The following ZMYND11 variants were observed in gnomAD, a reference collection of about 807,000 sequenced individuals.
The protein encoded by ZMYND11 is zinc finger MYND-type containing 11.
A neutral mutation model predicts 84.9 loss-of-function variants in ZMYND11; 9 were observed. That is an observed-to-expected ratio of 0.11 (90% confidence interval 0.06 to 0.18). The LOEUF is 0.18. ZMYND11 is among the 10% of genes least tolerant of loss of function. The pLI is 1.00. For missense variants in ZMYND11, 409 were observed against 761.0 expected, an observed-to-expected ratio of 0.54 and a Z score of 5.44; for synonymous variants, 250 against 244.1, an observed-to-expected ratio of 1.02 and a Z score of -0.23.
chr10:144,240 A>T (rs1838175924), intron 1 of ZMYND11, among the ~76,000 whole-genome samples: 1 of 152,122 alleles, frequency 6.6e-6, no homozygotes, highest in African/African-American at 2.4e-5. Flanking sequence ...GTTTTTTACG[A>T]CAGAATCTTG....
chr10:160,737 AT>A (rs1554761506), intron 1 of ZMYND11, among the ~76,000 whole-genome samples: 1 of 152,146 alleles, frequency 6.6e-6, no homozygotes, highest in Non-Finnish European at 1.5e-5. Context: ...TTCTTTGCTT[AT>A]CCATAAGAAG....
chr10:209,019 G>A (rs190836381), intron 2 of ZMYND11, among the ~76,000 whole-genome samples: 35 of 151,558 alleles, frequency 2.3e-4, no homozygotes, highest in South Asian at 4.2e-4. Context: ...GTGTGTGTGT[G>A]TATATATATA....
Position 252,272 on chromosome 10 carries a change from A to AAG in ZMYND11, c.1687-73_1687-72dup. 1 of 1,554,624 alleles carries AAG rather than the reference A, an allele frequency of 6.4e-7. No homozygotes were observed. On this transcript the variant is annotated intron_variant, in intron 14 of 14. Transcript: ENST00000381604. The surrounding 1 kb of genome is among the most constrained non-coding windows in gnomAD (Gnocchi z 4.6). ...AAAGATCTTTTAAAAGCACCACCTCAAGAGTTTGCCATTTTAACCAGTCGC... is the reference window on the plus strand; with the variant it reads ...AAAGATCTTTTAAAAGCACCACCTCAAGAGAGTTTGCCATTTTAACCAGTCGC...
At chr10:193,934 G>A (rs905721061) in intron 2 of ZMYND11, among the ~76,000 whole-genome samples, 1 of 152,020 alleles carries the variant, frequency 6.6e-6, no homozygotes, top group Non-Finnish European at 1.5e-5. Context: ...TCATTGTGTG[G>A]ATATACCACA....
Position 243,543 on chromosome 10 carries a change from G to T in ZMYND11, c.950+1404G>T, listed in dbSNP as rs150406465. Among the ~76,000 whole-genome samples the T allele has an allele frequency of 3.4e-3, 524 of 152,218 alleles. 3 individuals carry two copies. The highest frequency in any genetic ancestry group is 0.012 in the African/African-American group (503 of 41,532). ...GAGTTAACTTGTTAGATGTCATTCA[G>T]TATACTATGCAGAAAATATTTTTAA... On this transcript the variant is annotated intron_variant, in intron 10 of 14. Transcript: ENST00000381604.
At position 237,020 on chromosome 10, in the gene ZMYND11, A is replaced by C. The variant is rs188452645; in HGVS notation, c.516+105A>C. 2,134 of 1,086,510 alleles carry C rather than the reference A, an allele frequency of 2.0e-3. 26 individuals are homozygous for C. The Middle Eastern group carries it at 0.02, about 10-fold the overall frequency. 67.3% of individuals were successfully genotyped at this position (1,086,510 alleles called of 1,614,324 possible). On this transcript the variant is annotated intron_variant, in intron 5 of 14. Coordinates refer to ENST00000381604, the MANE Select transcript of ZMYND11 (RefSeq NM_001370100.5). ...GAGAAGTAACAAATATGTACATAGC[A>C]ATATGAAGTGTGGAGAGCACCCCGT...
In ZMYND11 at chr10:192,013, C is replaced by T. The variant is rs575688009; in HGVS notation, c.116+11885C>T. 3.9e-5 allele frequency among the ~76,000 whole-genome samples: 6 copies of T among 152,272 alleles called. No homozygotes were observed. In the East Asian group the frequency reaches 1.2e-3, roughly 29 times the overall value. ...CCTCAAAACAACAGCATGGGGTTGA[C>T]TTTACTAATTTTACTTCATAGATAT... On this transcript the variant is annotated intron_variant, in intron 2 of 14. Coordinates refer to ENST00000381604, the MANE Select transcript of ZMYND11 (RefSeq NM_001370100.5).
At chr10:148,424 C>T (rs1209868396) in intron 1 of ZMYND11, 2 of 152,162 alleles carry the variant, frequency 1.3e-5, no homozygotes, top group Admixed American at 6.5e-5. Context: ...ACTTCCTTTG[C>T]TCTGGGAAGA....
intron 1 of ZMYND11, among the ~76,000 whole-genome samples, chr10:136,169 C>T (rs1164632593): frequency 1.2e-4 from 18 of 152,094 alleles, no homozygotes; most frequent in African/African-American, 3.6e-4. Context: ...CCGGGACAGT[C>T]CTGTGGGGTC....
chr10:244,917 A>AAGCAGTGCT (rs1951818356), intron 10 of ZMYND11, among the ~76,000 whole-genome samples: 1 of 152,216 alleles, frequency 6.6e-6, no homozygotes, highest in Non-Finnish European at 1.5e-5. Flanking sequence ...ATACTCTTAC[A>AAGCAGTGCT]GATACAAGTT....
chr10:238,267 T>C (rs1437592832), intron 6 of ZMYND11, among the ~76,000 whole-genome samples: 2 of 152,220 alleles, frequency 1.3e-5, no homozygotes, highest in African/African-American at 4.8e-5. Flanking sequence ...TTGCACCTCA[T>C]GTGTCATGTT....
At chr10:177,689 G>T (rs1464325604) in intron 1 of ZMYND11, among the ~76,000 whole-genome samples, 1 of 151,782 alleles carries the variant, frequency 6.6e-6, no homozygotes, top group African/African-American at 2.4e-5. Context: ...ATTTTTTATA[G>T]TTCTGAGCAA....
At chr10:245,294 T>C (rs1951892538) in intron 10 of ZMYND11, among the ~76,000 whole-genome samples, 1 of 152,184 alleles carries the variant, frequency 6.6e-6, no homozygotes, top group Non-Finnish European at 1.5e-5. Context: ...ATGATATAGA[T>C]TATTGTATAT....
intron 2 of ZMYND11, among the ~76,000 whole-genome samples, chr10:187,084 C>T (rs1012005796): frequency 6.6e-6 from 1 of 152,008 alleles, no homozygotes; most frequent in Non-Finnish European, 1.5e-5. Context: ...GAAAAATTAG[C>T]CAAGCATGGT....
intron 2 of ZMYND11, among the ~76,000 whole-genome samples, chr10:186,518 GTAGTCCCAGCTACT>G (rs1938503047): frequency 6.6e-6 from 1 of 151,718 alleles, no homozygotes; most frequent in Non-Finnish European, 1.5e-5. Context: ...GCGCACGCCT[GTAGTCCCAGCTACT>G]TGGGAGGCTG....
chr10:191,501 C>G (rs565765330), intron 2 of ZMYND11, among the ~76,000 whole-genome samples: 2 of 152,116 alleles, frequency 1.3e-5, no homozygotes, highest in Non-Finnish European at 2.9e-5. Context: ...TCCCAGGTCA[C>G]GTGTTGGAAT....
intron 2 of ZMYND11, among the ~76,000 whole-genome samples, chr10:193,570 G>T (rs1940993713): frequency 6.6e-6 from 1 of 152,208 alleles, no homozygotes; most frequent in Non-Finnish European, 1.5e-5. Context: ...CAAAAAGCTT[G>T]AAATCGTTAA....
At chr10:247,343 C>A in intron 11 of ZMYND11, 55 bp from the exon 12 acceptor site, 1 of 1,586,096 alleles carries the variant, frequency 6.3e-7, no homozygotes. Flanking sequence ...GTGTTTTCAG[C>A]AGAGAAGTAT....
intron 1 of ZMYND11, among the ~76,000 whole-genome samples, chr10:155,292 A>T (rs1841432582): frequency 6.6e-6 from 1 of 152,188 alleles, no homozygotes; most frequent in Non-Finnish European, 1.5e-5. Context: ...TTAACAAAGA[A>T]GGGAACTGGA....
Sources: gnomAD v4.1 joint callset for allele counts (sites outside exome capture counted in the v4.1 genomes callset) on GRCh38, gnomAD v4.1.1 for gene constraint, Gnocchi (gnomAD v3.1) non-coding constraint, MANE v1.5 for transcripts, NCBI Gene and HGNC (gene_info 2026-07-23, HGNC 2026-07-21) for gene names.